Variants in WNT3 observed in about 807,000 individuals in gnomAD.
WNT3 encodes Wnt family member 3, also known as proto-oncogene Wnt-3.
Under a neutral mutation model 34.2 loss-of-function variants are expected in WNT3, and 7 were observed. The observed-to-expected ratio is 0.20, with a 90% CI of 0.12 to 0.38. The LOEUF is 0.38. Ranked by LOEUF, WNT3 falls within the 10% of genes least tolerant of loss-of-function variation. The pLI is 1.00. For missense variants in WNT3, 267 were observed against 499.8 expected (o/e 0.53, Z 4.44); for synonymous variants, 212 against 211.5 (o/e 1.00, Z -0.02).
At chr17:46,797,845 C>T (rs796117001) in intron 1 of WNT3, among the ~76,000 whole-genome samples, 1 of 152,354 alleles carries the variant, frequency 6.6e-6, no homozygotes, top group Non-Finnish European at 1.5e-5. Context: ...TAGAGGGCCA[C>T]ATGCAGTATA....
chr17:46,802,324 G>C (rs2146445118), intron 1 of WNT3, among the ~76,000 whole-genome samples: 1 of 152,338 alleles, frequency 6.6e-6, no homozygotes, highest in Middle Eastern at 3.4e-3. Context: ...GGAGTGCAGT[G>C]TTGTGATCTC....
At chr17:46,781,819 G>C (rs2059464124) in intron 1 of WNT3, among the ~76,000 whole-genome samples, 1 of 152,198 alleles carries the variant, frequency 6.6e-6, no homozygotes. Context: ...CCAGAGCCCC[G>C]GGTCTAGTCT....
intron 1 of WNT3, among the ~76,000 whole-genome samples, chr17:46,786,909 G>A (rs2059510685): frequency 2.0e-5 from 3 of 151,478 alleles, no homozygotes; most frequent in Admixed American, 2.0e-4. Flanking sequence ...AAAGATAGAT[G>A]TTCAGTAAAG....
intron 2 of WNT3, among the ~76,000 whole-genome samples, chr17:46,771,236 G>A (rs892951608): frequency 2.0e-5 from 3 of 152,056 alleles, no homozygotes; most frequent in African/African-American, 7.2e-5. Context: ...CCGCGCCTGC[G>A]CTGCCAGGGC....
intron 1 of WNT3, among the ~76,000 whole-genome samples, chr17:46,809,426 C>A (rs554258468): frequency 6.6e-6 from 1 of 152,324 alleles, no homozygotes; most frequent in South Asian, 2.1e-4. Flanking sequence ...GAAAGGTCTT[C>A]CAGACAGACC....
chr17:46,801,938 G>A (rs975457606), intron 1 of WNT3, among the ~76,000 whole-genome samples: 4 of 152,202 alleles, frequency 2.6e-5, no homozygotes, highest in Non-Finnish European at 4.4e-5. Context: ...ACCACTCAAC[G>A]AAGCCTCATC....
chr17:46,810,175 T>G (rs760922683), intron 1 of WNT3, among the ~76,000 whole-genome samples: 4 of 151,808 alleles, frequency 2.6e-5, no homozygotes, highest in Non-Finnish European at 4.4e-5. Flanking sequence ...CCCAGCTAAT[T>G]TTTTGTATTT....
intron 2 of WNT3, among the ~76,000 whole-genome samples, chr17:46,770,273 G>T (rs900711855): frequency 1.3e-5 from 2 of 152,234 alleles, no homozygotes; most frequent in African/African-American, 4.8e-5. Flanking sequence ...CTGGGCTGCT[G>T]ATTAGCTCAG....
chr17:46,791,133 C>T (rs2083980754), intron 1 of WNT3, among the ~76,000 whole-genome samples: 1 of 152,152 alleles, frequency 6.6e-6, no homozygotes, highest in African/African-American at 2.4e-5. Context: ...AGCCTTTTCC[C>T]TACTGGGTTG....
chr17:46,774,767 A>G (rs2059400915), intron 1 of WNT3, among the ~76,000 whole-genome samples: 1 of 152,196 alleles, frequency 6.6e-6, no homozygotes, highest in South Asian at 2.1e-4. Flanking sequence ...AGTTTAAAAT[A>G]CTAGAAAACC....
At chr17:46,769,638 G>T in intron 3 of WNT3, 145 bp downstream of exon 3, 1 of 1,042,052 alleles carries the variant, frequency 9.6e-7, no homozygotes, top group Non-Finnish European at 1.4e-6. Flanking sequence ...GCTGTGGGGT[G>T]GGGAGGAGGC....
At chr17:46,785,116 A>G (rs986561017) in intron 1 of WNT3, among the ~76,000 whole-genome samples, 3 of 152,084 alleles carry the variant, frequency 2.0e-5, no homozygotes, top group Non-Finnish European at 4.4e-5. Flanking sequence ...CTAAGCCTTC[A>G]GTGCACAGCT....
At chr17:46,777,834 T>C (rs2059424603) in intron 1 of WNT3, among the ~76,000 whole-genome samples, 1 of 152,206 alleles carries the variant, frequency 6.6e-6, no homozygotes, top group South Asian at 2.1e-4. Flanking sequence ...TGTGATGTCC[T>C]CTGAGAACAA....
rs977950738 is a variant in WNT3 at position 46,768,175 on chromosome 17, C to T, written c.*8+137G>A. ...ACGGATGCTTGAAAAATCCTAGCTT[C>T]CTATTTTGGCTGTGGGAACTTGTGT... On this transcript the variant is annotated intron_variant, in intron 4 of 4. Coordinates refer to ENST00000225512, the MANE Select transcript of WNT3 (RefSeq NM_030753.5). The surrounding 1 kb of genome is among the most constrained non-coding windows in gnomAD (Gnocchi z 5.0). 9.5e-6 allele frequency: 12 copies of T among 1,268,294 alleles called. No individual in the cohort carries two copies. The highest frequency in any genetic ancestry group is 2.1e-5 in the Admixed American group (1 of 47,214). 78.6% of individuals were successfully genotyped at this position (1,268,294 alleles called of 1,614,324 possible).
intron 2 of WNT3, 52 bp downstream of exon 2, chr17:46,773,616 T>TGGGGGGGGGGGGGGGGGGGGGGGGGGGGG: frequency 2.0e-6 from 2 of 997,790 alleles, no homozygotes; most frequent in Non-Finnish European, 1.5e-6. Context: ...CATACAGTCC[T>TGGGGGGGGGGGGGGGGGGGGGGGGGGGGG]GATCCCTCCC....
chr17:46,771,791 T>C (rs2059374530), intron 2 of WNT3, among the ~76,000 whole-genome samples: 3 of 137,256 alleles, frequency 2.2e-5, no homozygotes, highest in African/African-American at 8.0e-5. Flanking sequence ...CCGCGCCGAA[T>C]GGCCAGAGGG....
chr17:46,782,603 G>A (rs1276341821), intron 1 of WNT3, among the ~76,000 whole-genome samples: 1 of 152,252 alleles, frequency 6.6e-6, no homozygotes, highest in African/African-American at 2.4e-5. Flanking sequence ...AGCCGTTCAG[G>A]ATTGGCAGAT....
chr17:46,773,690 G>A lies in WNT3; in HGVS notation c.300C>T (p.Ile100=), dbSNP rs769245899. Residue 100 remains isoleucine (I), a synonymous_variant, in exon 2 of 5, where the codon ATC becomes ATT. Coordinates refer to ENST00000225512, the MANE Select transcript of WNT3 (RefSeq NM_030753.5). ...TACCTTTGTCGAGGACGGGCCCAAA[G>A]ATGGCCAGGCTGTCATCTATGGTGG... ...NCTTIDDSLA[I]FGPVLDKATR... The A allele has an allele frequency of 1.4e-6, 2 of 1,475,506 alleles. No individual in the cohort carries two copies. The highest frequency in any genetic ancestry group is 2.2e-5 in the South Asian group (2 of 89,338). The allele number at this position is 1,475,506 out of a possible 1,614,324, so 91.4% of individuals were successfully genotyped here. A position where few individuals can be genotyped will look rare whatever the true frequency, so the allele number is the denominator to read the frequency against.
intron 1 of WNT3, among the ~76,000 whole-genome samples, chr17:46,802,972 T>C (rs907588655): frequency 1.3e-5 from 2 of 152,166 alleles, no homozygotes; most frequent in African/African-American, 2.4e-5. Flanking sequence ...CAGGAGCACA[T>C]GTAAAGCAGC....
Sources: allele counts gnomAD v4.1 joint callset (sites outside exome capture counted in the v4.1 genomes callset), GRCh38; gene constraint gnomAD v4.1.1; non-coding constraint Gnocchi (gnomAD v3.1); transcripts MANE v1.5; gene names NCBI Gene and HGNC (gene_info 2026-07-23, HGNC 2026-07-21).